Variants in DLG2 observed in about 807,000 individuals in gnomAD.
DLG2 encodes the protein disks large homolog 2.
In DLG2, 45 loss-of-function variants were observed where a neutral mutation model predicts 132.5. The observed-to-expected ratio is 0.34, with a 90% CI of 0.27 to 0.44. DLG2 has a LOEUF of 0.44. Ranked by LOEUF, DLG2 falls within the 20% of genes least tolerant of loss-of-function variation. The probability of loss-of-function intolerance (pLI) is 1.00; values close to 1 mark genes in which losing one functional copy is unlikely to be tolerated. For missense variants in DLG2, 1,045 were observed against 1,196.9 expected (o/e 0.87, Z 1.87); for synonymous variants, 424 against 419.6 (o/e 1.01, Z -0.13).
At chr11:84,037,711 C>G (rs1301566508) in intron 11 of DLG2, among the ~76,000 whole-genome samples, 1 of 152,096 alleles carries the variant, frequency 6.6e-6, no homozygotes, top group Admixed American at 6.6e-5. Flanking sequence ...AATGAATCCA[C>G]TTATTCTTCC....
At position 85,592,663 on chromosome 11, in the gene DLG2, T is replaced by C. The variant is rs114220074; in HGVS notation, c.40+5994A>G. Among the ~76,000 whole-genome samples the C allele has an allele frequency of 4.6e-3, 705 of 152,234 alleles. 7 individuals carry two copies. Among genetic ancestry groups the C allele is most frequent in the African/African-American group, 0.017 (687 of 41,524 alleles). ...TCCCTTAAATGTTTTAGATATTCTA[T>C]TGTAAGGCTGGGTGTGGTGCCTCAT... On this transcript the variant is annotated intron_variant, in intron 3 of 27. Coordinates refer to ENST00000376104, the MANE Select transcript of DLG2 (RefSeq NM_001142699.3).
At position 84,570,129 on chromosome 11, in the gene DLG2, T is replaced by C. The variant is rs551307584; in HGVS notation, c.358-35398A>G. ...TGTAGAACAAAGATGGATTCTATGA[T>C]TTGGCATATAGGCCTTCCAGAACTA... On this transcript the variant is annotated intron_variant, in intron 6 of 27. Transcript: ENST00000376104. Among the ~76,000 whole-genome samples, 5 of 152,286 alleles carry C rather than the reference T, an allele frequency of 3.3e-5. No homozygotes were observed. The East Asian group carries it at 9.7e-4, about 29-fold the overall frequency.
chr11:83,733,182 A>T (rs1022198660), intron 18 of DLG2, among the ~76,000 whole-genome samples: 2 of 135,160 alleles, frequency 1.5e-5, no homozygotes, highest in African/African-American at 5.6e-5. Context: ...CAGAGGTTGC[A>T]GGGAGCTGAG....
At chr11:83,533,551 G>C (rs1052396200) in intron 20 of DLG2, among the ~76,000 whole-genome samples, 8 of 152,170 alleles carry the variant, frequency 5.3e-5, no homozygotes, top group African/African-American at 1.9e-4. Context: ...GAAAGCATTA[G>C]GATGGGCTTC....
intron 7 of DLG2, among the ~76,000 whole-genome samples, chr11:84,469,353 C>T (rs1030236720): frequency 6.6e-6 from 1 of 151,528 alleles, no homozygotes; most frequent in Non-Finnish European, 1.5e-5. Context: ...CAATCTATAC[C>T]TATCCATAAA....
intron 3 of DLG2, among the ~76,000 whole-genome samples, chr11:85,495,689 T>C (rs2093654440): frequency 6.6e-6 from 1 of 152,146 alleles, no homozygotes. Context: ...GGTGGGAGTA[T>C]CAATTAGTTT....
intron 19 of DLG2, among the ~76,000 whole-genome samples, chr11:83,555,538 T>C (rs1398382929): frequency 6.6e-6 from 1 of 152,226 alleles, no homozygotes; most frequent in Non-Finnish European, 1.5e-5. Context: ...GGCCAATACC[T>C]ATCTGTTTGT....
intron 3 of DLG2, among the ~76,000 whole-genome samples, chr11:85,473,608 T>G (rs972799113): frequency 2.6e-5 from 4 of 152,012 alleles, no homozygotes; most frequent in African/African-American, 4.8e-5. Flanking sequence ...TGACCACTTT[T>G]AAAAGGTTTA....
chr11:85,368,038 C>G (rs1040086160), intron 3 of DLG2, among the ~76,000 whole-genome samples: 1 of 152,012 alleles, frequency 6.6e-6, no homozygotes, highest in Admixed American at 6.6e-5. Context: ...TGCTATTTCA[C>G]TAGTTTGGAA....
At chr11:83,566,402 C>T (rs2096709647) in intron 19 of DLG2, among the ~76,000 whole-genome samples, 1 of 152,020 alleles carries the variant, frequency 6.6e-6, no homozygotes, top group Admixed American at 6.6e-5. Context: ...AAGTCTTTTC[C>T]AGCAATTTCA....
At chr11:84,919,462 G>T (rs2092655862) in intron 6 of DLG2, among the ~76,000 whole-genome samples, 1 of 152,092 alleles carries the variant, frequency 6.6e-6, no homozygotes, top group African/African-American at 2.4e-5. Flanking sequence ...TAAAGGAGCA[G>T]AATTCTTGAA....
At chr11:83,913,413 T>C (rs530776245) in intron 15 of DLG2, among the ~76,000 whole-genome samples, 1 of 152,258 alleles carries the variant, frequency 6.6e-6, no homozygotes, top group African/African-American at 2.4e-5. Flanking sequence ...TCCAGGCACA[T>C]TGCTGGCACT....
intron 19 of DLG2, among the ~76,000 whole-genome samples, chr11:83,587,953 C>A (rs567677097): frequency 2.0e-5 from 3 of 152,308 alleles, no homozygotes; most frequent in African/African-American, 7.2e-5. Flanking sequence ...AAATGGCGCA[C>A]CACGAGATTA....
intron 6 of DLG2, among the ~76,000 whole-genome samples, chr11:84,971,980 C>T (rs1269740882): frequency 6.6e-6 from 1 of 151,992 alleles, no homozygotes; most frequent in Non-Finnish European, 1.5e-5. Flanking sequence ...GTAGCTCAGA[C>T]AAACACTAAA....
At chr11:83,809,441 A>T (rs995429533) in intron 17 of DLG2, among the ~76,000 whole-genome samples, 1 of 152,156 alleles carries the variant, frequency 6.6e-6, no homozygotes, top group African/African-American at 2.4e-5. Flanking sequence ...ACTCCTTAGG[A>T]TTTATAGGTC....
chr11:84,949,102 G>A (rs945301740), intron 6 of DLG2, among the ~76,000 whole-genome samples: 1 of 152,054 alleles, frequency 6.6e-6, no homozygotes, highest in South Asian at 2.1e-4. Context: ...AGAAATAAAG[G>A]GACAGAGTAC....
chr11:85,309,643 C>T (rs1189214793), intron 3 of DLG2, among the ~76,000 whole-genome samples: 1 of 152,162 alleles, frequency 6.6e-6, no homozygotes, highest in Non-Finnish European at 1.5e-5. Flanking sequence ...ACCTGACATC[C>T]TCCCTGTCCC....
intron 10 of DLG2, among the ~76,000 whole-genome samples, chr11:84,072,046 T>A (rs1299428178): frequency 6.6e-6 from 1 of 152,246 alleles, no homozygotes; most frequent in Non-Finnish European, 1.5e-5. Flanking sequence ...CTGAGCTGTC[T>A]CTGCTGAAGG....
At chr11:84,295,299 T>A (rs548126157) in intron 7 of DLG2, among the ~76,000 whole-genome samples, 1 of 152,324 alleles carries the variant, frequency 6.6e-6, no homozygotes, top group Admixed American at 6.5e-5. Context: ...ATAATATTAA[T>A]AGTATATGAG....
Sources: allele counts gnomAD v4.1 joint callset (sites outside exome capture counted in the v4.1 genomes callset), GRCh38; gene constraint gnomAD v4.1.1; transcripts MANE v1.5; gene names NCBI Gene and HGNC (gene_info 2026-07-23, HGNC 2026-07-21).